The following SEMA3F variants were observed in gnomAD, a reference collection of about 807,000 sequenced individuals.
SEMA3F encodes semaphorin 3F.
Under a neutral mutation model 98.5 loss-of-function variants are expected in SEMA3F, and 30 were observed. The observed-to-expected ratio is 0.30, with a 90% CI of 0.23 to 0.41. SEMA3F has a LOEUF of 0.41. Among genes scored for constraint, SEMA3F ranks in the 10% least tolerant of loss-of-function variants. The pLI, the probability that SEMA3F is intolerant of heterozygous loss-of-function variation, is 1.00. For synonymous variants in SEMA3F, 380 were observed against 444.8 expected (o/e 0.85, Z 1.83); for missense variants, 866 against 1,119.3 (o/e 0.77, Z 3.23).
chr3:50,182,748 C>T lies in SEMA3F; in HGVS notation c.868C>T (p.Pro290Ser). 1.9e-6 allele frequency: 3 copies of T among 1,613,286 alleles called. No homozygotes were observed. The highest frequency in any genetic ancestry group is 2.5e-6 in the Non-Finnish European group (3 of 1,180,034). The change falls in exon 9 of 19, where the codon CCC becomes TCC. Residue 290 changes from proline to serine, a missense_variant. Pro to Ser is a moderately conservative substitution (Grantham distance 74, BLOSUM62 -1). Transcript: ENST00000002829. This position sits in a 1 kb window ranked among gnomAD's most constrained non-coding sequence, Gnocchi z 4.5. ...GCGGTCGGCAGAGGCGCCGCAGAGC[C>T]CCGCGGTGTACGCCCGCATCGGGCG... ...RERSAEAPQS[P>S]AVYARIGRIC...
chr3:50,182,784 G>A lies in SEMA3F; in HGVS notation c.903+1G>A. On this transcript the variant is annotated splice_donor_variant, in intron 9 of 18. Coordinates refer to ENST00000002829, the MANE Select transcript of SEMA3F (RefSeq NM_004186.5). LOFTEE classifies it high-confidence loss of function. The surrounding 1 kb of genome is among the most constrained non-coding windows in gnomAD (Gnocchi z 4.5). ...CGCCCGCATCGGGCGCATTTGCCTGGTATGCATTGGCAGAGCCACCAGGCT... is the reference window on the plus strand; with the variant it reads ...CGCCCGCATCGGGCGCATTTGCCTGATATGCATTGGCAGAGCCACCAGGCT... 6.2e-7 allele frequency: 1 copy of A among 1,612,494 alleles called. No individual in the cohort carries two copies. Among genetic ancestry groups the A allele is most frequent in the Non-Finnish European group, 8.5e-7 (1 of 1,179,736 alleles).
At chr3:50,169,040 T>C (rs1047391193) in intron 2 of SEMA3F, among the ~76,000 whole-genome samples, 1 of 152,186 alleles carries the variant, frequency 6.6e-6, no homozygotes, top group Non-Finnish European at 1.5e-5. Context: ...GAGGTGACGC[T>C]GTCAGTCAGG....
In SEMA3F at chr3:50,183,170, C is replaced by G. The variant is rs1391479975; in HGVS notation, c.1019-16C>G. On this transcript the variant is annotated splice_polypyrimidine_tract_variant and intron_variant, in intron 10 of 18. Transcript: ENST00000002829. Reference sequence around the variant, plus strand: ...CGCCCATGGCACCCTCCAACACCTTCTCCCTCTGTCCCCAGAGGACGTGTT... The same window carrying G: ...CGCCCATGGCACCCTCCAACACCTTGTCCCTCTGTCCCCAGAGGACGTGTT... 1 of 1,613,612 alleles carries G rather than the reference C, an allele frequency of 6.2e-7. No homozygotes were observed. The highest frequency in any genetic ancestry group is 2.2e-5 in the East Asian group (1 of 44,878).
chr3:50,161,838 C>T (rs910440899), intron 2 of SEMA3F, among the ~76,000 whole-genome samples: 1 of 152,240 alleles, frequency 6.6e-6, no homozygotes, highest in African/African-American at 2.4e-5. Flanking sequence ...TATCCCCCTA[C>T]ACTGGGTGGT....
upstream of SEMA3F, chr3:50,155,110 G>T (rs1355273821): frequency 2.4e-6 from 1 of 416,536 alleles, no homozygotes; most frequent in South Asian, 3.3e-5. This position sits in a 1 kb window ranked among gnomAD's most constrained non-coding sequence, Gnocchi z 4.9. Flanking sequence ...AACGAACCGC[G>T]GCGGTCCGGA....
At chr3:50,186,155 G>A in intron 16 of SEMA3F, 109 bp downstream of exon 16, 1 of 1,456,634 alleles carries the variant, frequency 6.9e-7, no homozygotes, top group South Asian at 1.2e-5. Flanking sequence ...ATTACCCTAG[G>A]GGAGTCTTAT....
Position 50,182,980 on chromosome 3 carries a change from C to T in SEMA3F, c.980C>T (p.Pro327Leu), listed in dbSNP as rs745746158. ...AAGGCGCGGCTCGTCTGCTCTGTCC[C>T]GGGCGAGGATGGCATTGAGACTCAC... The part of the protein sequence containing the change: ...FLKARLVCSV[P>L]GEDGIETHFD... Residue 327 changes from proline to leucine, a missense_variant, in exon 10 of 19, where the codon CCG (proline) becomes CTG (leucine). Physicochemically the swap from Pro to Leu is moderately conservative, Grantham distance 98. Transcript: ENST00000002829. The surrounding 1 kb of genome is among the most constrained non-coding windows in gnomAD (Gnocchi z 4.5). The T allele has an allele frequency of 1.1e-5, 18 of 1,613,796 alleles. No individual in the cohort carries two copies. The highest frequency in any genetic ancestry group is 1.6e-4 in the Middle Eastern group (1 of 6,084).
At chr3:50,185,242 G>A (rs1559738683) in intron 13 of SEMA3F, among the ~76,000 whole-genome samples, 1 of 152,234 alleles carries the variant, frequency 6.6e-6, no homozygotes, top group Non-Finnish European at 1.5e-5. Context: ...CAGGGTCTGG[G>A]TTGGTGGGGG....
intron 2 of SEMA3F, among the ~76,000 whole-genome samples, chr3:50,167,698 C>T (rs1306354220): frequency 2.0e-5 from 3 of 152,172 alleles, no homozygotes; most frequent in Non-Finnish European, 2.9e-5. Context: ...AGGGGCCCCT[C>T]GTTGCAGGGG....
chr3:50,157,081 C>T (rs1245814081), intron 1 of SEMA3F, among the ~76,000 whole-genome samples: 1 of 152,068 alleles, frequency 6.6e-6, no homozygotes, highest in African/African-American at 2.4e-5. Context: ...CCCTACGGCC[C>T]CTGTTCCTGC....
rs746271007 is a variant in SEMA3F, at chr3:50,182,617, C to G, written c.764-27C>G. On this transcript the variant is annotated intron_variant, in intron 8 of 18. Transcript: ENST00000002829. The surrounding 1 kb of genome is among the most constrained non-coding windows in gnomAD (Gnocchi z 4.5). ...CAGGGGCACCATCAGAGTAGGGGCT[C>G]ACCCAGCTGACCCCTGCCACCTGCA... The G allele has an allele frequency of 6.2e-7, 1 of 1,606,726 alleles. No individual in the cohort carries two copies. Among genetic ancestry groups the G allele is most frequent in the Non-Finnish European group, 8.5e-7 (1 of 1,174,860 alleles).
Position 50,182,220 on chromosome 3 carries a change from T to C in SEMA3F, c.644-64T>C. Reference sequence around the variant, plus strand: ...AGATAAGGCCCTGCCCTGGAAGTCATCTGAGCTGTGCCCTGGCCCTAGCAA... The same window carrying C: ...AGATAAGGCCCTGCCCTGGAAGTCACCTGAGCTGTGCCCTGGCCCTAGCAA... On this transcript the variant is annotated intron_variant, in intron 7 of 18. Transcript: ENST00000002829. The surrounding 1 kb of genome is among the most constrained non-coding windows in gnomAD (Gnocchi z 4.5). 6.2e-7 allele frequency: 1 copy of C among 1,611,712 alleles called. No homozygotes were observed. Among genetic ancestry groups the C allele is most frequent in the Non-Finnish European group, 8.5e-7 (1 of 1,178,418 alleles).
intron 12 of SEMA3F, chr3:50,184,266 T>G: frequency 1.6e-5 from 6 of 386,768 alleles, no homozygotes; most frequent in East Asian, 5.7e-5. Context: ...GGGAGACGGG[T>G]GAGACCCTAG....
In SEMA3F at chr3:50,186,714, T is replaced by C. The variant is rs78468558; in HGVS notation, c.1915T>C (p.Phe639Leu). Residue 639 changes from phenylalanine (F) to leucine (L), a missense_variant, in exon 18 of 19, where the codon TTC (phenylalanine) becomes CTC (leucine). Transcript: ENST00000002829. Reference protein sequence around the residue: ...RSPQATVKWLFQRDPGDRRRE... With the variant: ...RSPQATVKWLLQRDPGDRRRE... The stretch of plus-strand genomic sequence containing the variant: ...GCCCCAAGCCACTGTTAAGTGGCTG[T>C]TCCAGCGAGATCCTGGTGACCGGCG... The C allele has an allele frequency of 3.7e-5, 60 of 1,607,918 alleles. No individual in the cohort carries two copies. Among genetic ancestry groups the C allele is most frequent in the Non-Finnish European group, 4.9e-5 (58 of 1,175,150 alleles).
intron 1 of SEMA3F, chr3:50,159,029 C>G (rs906712625): frequency 1.3e-5 from 2 of 152,728 alleles, no homozygotes; most frequent in African/African-American, 4.8e-5. Flanking sequence ...CTGACTGGTG[C>G]TCCCTCTCTT....
At chr3:50,176,090 C>T (rs1480649509) in intron 6 of SEMA3F, among the ~76,000 whole-genome samples, 3 of 152,140 alleles carry the variant, frequency 2.0e-5, no homozygotes, top group Non-Finnish European at 2.9e-5. Flanking sequence ...ATCTTGCAGG[C>T]TGGGCTGGGA....
intron 2 of SEMA3F, among the ~76,000 whole-genome samples, chr3:50,163,489 A>G (rs987069410): frequency 6.6e-6 from 1 of 152,270 alleles, no homozygotes; most frequent in Non-Finnish European, 1.5e-5. Context: ...ATGTGGCATC[A>G]GAGGACCAAG....
At chr3:50,161,573 TC>T (rs1698210448) in intron 2 of SEMA3F, among the ~76,000 whole-genome samples, 1 of 152,194 alleles carries the variant, frequency 6.6e-6, no homozygotes, top group Admixed American at 6.5e-5. Flanking sequence ...GGGCCACCCA[TC>T]CCAGGGCTCC....
In SEMA3F at chr3:50,166,185, G is replaced by A. The variant is rs532559263; in HGVS notation, c.112+6451G>A. 2.0e-5 allele frequency among the ~76,000 whole-genome samples: 3 copies of A among 148,916 alleles called. No homozygotes were observed. The highest frequency in any genetic ancestry group is 2.1e-4 in the South Asian group (1 of 4,752). ...TCCTACCCGGACATGCTCTTTCCTC[G>A]GACGTCTCTGTACCCAGCCAAGAGC... On this transcript the variant is annotated intron_variant, in intron 2 of 18. Transcript: ENST00000002829. The surrounding 1 kb of genome is among the most constrained non-coding windows in gnomAD (Gnocchi z 4.7).
Sources: gnomAD v4.1 joint callset for allele counts (sites outside exome capture counted in the v4.1 genomes callset) on GRCh38, gnomAD v4.1.1 for gene constraint, Gnocchi (gnomAD v3.1) non-coding constraint, MANE v1.5 for transcripts, NCBI Gene and HGNC (gene_info 2026-07-23, HGNC 2026-07-21) for gene names.